The following DENND1A variants were observed in gnomAD, a reference collection of about 807,000 sequenced individuals.
DENND1A encodes DENN domain-containing protein 1A.
Under a neutral mutation model 113.7 loss-of-function variants are expected in DENND1A, and 51 were observed. The observed-to-expected ratio is 0.45, with a 90% CI of 0.36 to 0.57. The LOEUF (loss-of-function observed/expected upper bound fraction) is 0.57, where lower values mean the gene tolerates loss of function less well. Among genes scored for constraint, DENND1A ranks in the 20% least tolerant of loss-of-function variants. The pLI is 0.00. For synonymous variants in DENND1A, 565 were observed against 570.8 expected, an observed-to-expected ratio of 0.99 and a Z score of 0.14; for missense variants, 1,258 against 1,395.9, an observed-to-expected ratio of 0.90 and a Z score of 1.57.
intron 20 of DENND1A, among the ~76,000 whole-genome samples, chr9:123,411,066 T>A (rs2044270338): frequency 6.6e-6 from 1 of 150,528 alleles, no homozygotes; most frequent in Admixed American, 6.6e-5. Flanking sequence ...TCACATTTTG[T>A]CCTGCTTCTC....
intron 5 of DENND1A, among the ~76,000 whole-genome samples, chr9:123,707,372 G>A (rs117279017): frequency 0.026 from 3,915 of 150,586 alleles, 58 homozygotes; most frequent in Middle Eastern, 0.031. Context: ...CCAGCCTGGG[G>A]AACAAGAGCG....
At chr9:123,903,850 C>G (rs1455550049) in intron 1 of DENND1A, among the ~76,000 whole-genome samples, 2 of 152,104 alleles carry the variant, frequency 1.3e-5, no homozygotes, top group African/African-American at 4.8e-5. Flanking sequence ...CCAGGAAGCT[C>G]GAACTGGGTG....
intron 1 of DENND1A, among the ~76,000 whole-genome samples, chr9:123,889,157 A>G (rs1849548992): frequency 6.6e-6 from 1 of 152,162 alleles, no homozygotes; most frequent in African/African-American, 2.4e-5. Context: ...GGTTCTATGG[A>G]AAGAACCCCA....
intron 21 of DENND1A, among the ~76,000 whole-genome samples, chr9:123,388,697 C>T (rs2042689867): frequency 1.3e-5 from 2 of 152,250 alleles, no homozygotes; most frequent in Non-Finnish European, 2.9e-5. Context: ...AACACATACA[C>T]AGCCTGGAGA....
intron 13 of DENND1A, among the ~76,000 whole-genome samples, chr9:123,525,444 C>T (rs1473374135): frequency 1.3e-5 from 2 of 152,226 alleles, no homozygotes; most frequent in Admixed American, 6.5e-5. Flanking sequence ...AGAGAGAAGA[C>T]ACTGTTTGAG....
In DENND1A at chr9:123,587,270, T is replaced by C. The variant is rs148850944; in HGVS notation, c.766-4000A>G. Among the ~76,000 whole-genome samples the C allele has an allele frequency of 1.1e-4, 17 of 152,276 alleles. No individual in the cohort carries two copies. In the East Asian group the frequency reaches 3.3e-3, roughly 29 times the overall value. Reference sequence around the variant, plus strand: ...CAGAGCATAACTGAGTGGCTCAGTATATAGAGTACACAGAGATAAGAATTT... The same window carrying C: ...CAGAGCATAACTGAGTGGCTCAGTACATAGAGTACACAGAGATAAGAATTT... On this transcript the variant is annotated intron_variant, in intron 11 of 23. Coordinates refer to ENST00000394215, the MANE Select transcript of DENND1A (RefSeq NM_001352964.2).
At chr9:123,716,035 G>A (rs1405642062) in intron 5 of DENND1A, among the ~76,000 whole-genome samples, 1 of 152,124 alleles carries the variant, frequency 6.6e-6, no homozygotes, top group Non-Finnish European at 1.5e-5. Flanking sequence ...GTGCTGCTCT[G>A]GAGCACTCCA....
chr9:123,559,486 G>A (rs192817278), intron 12 of DENND1A, among the ~76,000 whole-genome samples: 5 of 152,144 alleles, frequency 3.3e-5, no homozygotes, highest in Admixed American at 1.3e-4. Flanking sequence ...TTTTCTGGGC[G>A]CAGGATCCAC....
intron 13 of DENND1A, among the ~76,000 whole-genome samples, chr9:123,518,961 C>T (rs1011434552): frequency 3.3e-5 from 5 of 152,214 alleles, no homozygotes; most frequent in Non-Finnish European, 5.9e-5. Context: ...CCTTGCATGA[C>T]GTGAACCTGC....
At chr9:123,783,486 T>C (rs909947892) in intron 3 of DENND1A, among the ~76,000 whole-genome samples, 3 of 152,188 alleles carry the variant, frequency 2.0e-5, no homozygotes, top group African/African-American at 7.2e-5. Flanking sequence ...TGCCCAGTAA[T>C]AGGAGACACG....
chr9:123,498,874 C>T (rs924085648), intron 13 of DENND1A, among the ~76,000 whole-genome samples: 1 of 152,096 alleles, frequency 6.6e-6, no homozygotes, highest in African/African-American at 2.4e-5. Flanking sequence ...AGGCACACAC[C>T]CCCATGCCTG....
At chr9:123,683,198 A>G (rs2064584637) in intron 5 of DENND1A, among the ~76,000 whole-genome samples, 1 of 152,230 alleles carries the variant, frequency 6.6e-6, no homozygotes, top group Non-Finnish European at 1.5e-5. Context: ...ATACCTGCAC[A>G]GAGTTGAGGC....
At chr9:123,746,963 G>A (rs890801506) in intron 5 of DENND1A, among the ~76,000 whole-genome samples, 4 of 152,070 alleles carry the variant, frequency 2.6e-5, no homozygotes, top group African/African-American at 9.7e-5. Flanking sequence ...AAAAATCCTA[G>A]CTCAGCAGAA....
At chr9:123,599,231 A>G (rs1363142936) in intron 11 of DENND1A, among the ~76,000 whole-genome samples, 1 of 152,264 alleles carries the variant, frequency 6.6e-6, no homozygotes, top group Non-Finnish European at 1.5e-5. Context: ...TAAGTGTCCA[A>G]CTTTAATTTC....
intron 8 of DENND1A, among the ~76,000 whole-genome samples, chr9:123,655,419 G>A (rs538442792): frequency 1.1e-4 from 16 of 152,248 alleles, no homozygotes; most frequent in African/African-American, 3.1e-4. Context: ...TAGGAAGAAC[G>A]TAGCATGTGA....
intron 5 of DENND1A, among the ~76,000 whole-genome samples, chr9:123,688,727 G>A (rs770993315): frequency 2.0e-5 from 3 of 152,104 alleles, no homozygotes; most frequent in Non-Finnish European, 2.9e-5. Flanking sequence ...TCCACGACAA[G>A]GCACCCAAAG....
chr9:123,381,601 G>T lies in DENND1A; in HGVS notation c.3044C>A (p.Pro1015His). ...PGDPPLLPPR[P>H]PQGLEPTLQP... Reference sequence around the variant, plus strand: ...CAGTGTTGGCTCCAGGCCTTGAGGGGGCCTGGGAGGCAGAAGCGGGGGGTC... The same window carrying T: ...CAGTGTTGGCTCCAGGCCTTGAGGGTGCCTGGGAGGCAGAAGCGGGGGGTC... The change falls in exon 24 of 24, where the codon CCC becomes CAC. Residue 1015 changes from proline to histidine, a missense_variant. Transcript: ENST00000394215. This position sits in a 1 kb window ranked among gnomAD's most constrained non-coding sequence, Gnocchi z 4.7. 6.2e-7 allele frequency: 1 copy of T among 1,613,186 alleles called. No homozygotes were observed.
intron 19 of DENND1A, among the ~76,000 whole-genome samples, chr9:123,417,917 CAG>C (rs961060074): frequency 6.6e-6 from 1 of 151,386 alleles, no homozygotes; most frequent in African/African-American, 2.4e-5. Flanking sequence ...AGTGCAGGGA[CAG>C]GGGACCCACA....
intron 12 of DENND1A, among the ~76,000 whole-genome samples, chr9:123,575,676 T>C (rs1283134369): frequency 6.6e-6 from 1 of 152,218 alleles, no homozygotes; most frequent in Non-Finnish European, 1.5e-5. Context: ...ATAAATACAT[T>C]CTAGCCCACA....
Sources: gnomAD v4.1 joint callset for allele counts (sites outside exome capture counted in the v4.1 genomes callset) on GRCh38, gnomAD v4.1.1 for gene constraint, Gnocchi (gnomAD v3.1) non-coding constraint, MANE v1.5 for transcripts, NCBI Gene and HGNC (gene_info 2026-07-23, HGNC 2026-07-21) for gene names.